MCPH1: variants seen among roughly 807,000 people sequenced by gnomAD.
The protein encoded by MCPH1 is microcephalin.
Under a neutral mutation model 84.5 loss-of-function variants are expected in MCPH1, and 104 were observed. The ratio of observed to expected loss-of-function variants is 1.23; its 90% confidence interval spans 1.05 to 1.45. The LOEUF (loss-of-function observed/expected upper bound fraction) is 1.45, where lower values mean the gene tolerates loss of function less well. Among genes scored for constraint, MCPH1 ranks in the 40% most tolerant of loss-of-function variants. The pLI is 0.00. For synonymous variants in MCPH1, 514 were observed against 366.8 expected (o/e 1.40, Z -4.58); for missense variants, 1,498 against 1,005.7 (o/e 1.49, Z -6.62).
At chr8:6,461,922 GT>G (rs1435135142) in intron 9 of MCPH1, among the ~76,000 whole-genome samples, 1 of 152,028 alleles carries the variant, frequency 6.6e-6, no homozygotes, top group African/African-American at 2.4e-5. Context: ...TCTGGATTTG[GT>G]TTTTCAAAAT....
intron 13 of MCPH1, chr8:6,622,342 G>T (rs190503459): frequency 6.4e-6 from 1 of 156,832 alleles, no homozygotes; most frequent in East Asian, 1.9e-4. Context: ...CTAACACACG[G>T]GCTCCAGGAG....
At chr8:6,596,105 C>G (rs1275287785) in intron 12 of MCPH1, among the ~76,000 whole-genome samples, 1 of 152,160 alleles carries the variant, frequency 6.6e-6, no homozygotes, top group Non-Finnish European at 1.5e-5. Context: ...TGGAGTGGCC[C>G]TTTTATGCTT....
At chr8:6,501,167 A>G (rs1489705525) in intron 12 of MCPH1, 3 of 152,238 alleles carry the variant, frequency 2.0e-5, no homozygotes, top group Non-Finnish European at 4.4e-5. Flanking sequence ...TGGTGGAAAT[A>G]AAACAGAGCC....
At chr8:6,604,890 T>C (rs1829641406) in intron 12 of MCPH1, among the ~76,000 whole-genome samples, 1 of 152,166 alleles carries the variant, frequency 6.6e-6, no homozygotes, top group Non-Finnish European at 1.5e-5. Flanking sequence ...TGGGGGGAAA[T>C]TGAGTCTCTA....
chr8:6,437,391 C>A (rs927650932), intron 5 of MCPH1, among the ~76,000 whole-genome samples: 2 of 151,980 alleles, frequency 1.3e-5, no homozygotes, highest in Non-Finnish European at 2.9e-5. Context: ...CCACCACGCC[C>A]AGCTGATTTT....
chr8:6,582,189 T>C (rs1005107785), intron 12 of MCPH1, among the ~76,000 whole-genome samples: 5 of 152,176 alleles, frequency 3.3e-5, no homozygotes, highest in Non-Finnish European at 5.9e-5. Context: ...ACACTAGAGA[T>C]GGACATTGCA....
At chr8:6,639,739 A>G (rs1456160368) in intron 13 of MCPH1, among the ~76,000 whole-genome samples, 1 of 151,758 alleles carries the variant, frequency 6.6e-6, no homozygotes, top group Non-Finnish European at 1.5e-5. Flanking sequence ...ATTTGTTTTT[A>G]TATATATTGG....
At chr8:6,432,005 G>T (rs1240041285) in intron 4 of MCPH1, among the ~76,000 whole-genome samples, 1 of 152,218 alleles carries the variant, frequency 6.6e-6, no homozygotes, top group Non-Finnish European at 1.5e-5. Flanking sequence ...TACAAATACA[G>T]TTGTCCTTCA....
intron 12 of MCPH1, among the ~76,000 whole-genome samples, chr8:6,596,195 C>T (rs993871034): frequency 3.9e-5 from 6 of 152,144 alleles, no homozygotes; most frequent in African/African-American, 1.4e-4. Flanking sequence ...TTTTATTGGG[C>T]TCCAGTCTCA....
At chr8:6,431,837 G>C (rs188650181) in intron 4 of MCPH1, among the ~76,000 whole-genome samples, 20 of 152,290 alleles carry the variant, frequency 1.3e-4, no homozygotes, top group Admixed American at 9.8e-4. Flanking sequence ...AAGGTGCCAA[G>C]AGACAAGCAA....
chr8:6,495,733 G>C (rs1811152039), intron 11 of MCPH1, among the ~76,000 whole-genome samples: 1 of 152,188 alleles, frequency 6.6e-6, no homozygotes. Context: ...GGAGGAGATA[G>C]TGGCAAAAAC....
chr8:6,518,508 G>A (rs193015812), intron 12 of MCPH1, among the ~76,000 whole-genome samples: 2 of 152,272 alleles, frequency 1.3e-5, no homozygotes, highest in East Asian at 3.9e-4. Context: ...TCTTTGGAAA[G>A]CATTATGTTG....
At chr8:6,628,491 A>C (rs1387522634) in intron 13 of MCPH1, among the ~76,000 whole-genome samples, 1 of 151,578 alleles carries the variant, frequency 6.6e-6, no homozygotes, top group Non-Finnish European at 1.5e-5. Flanking sequence ...AAAAAAAAAA[A>C]AAACATTAAA....
chr8:6,575,074 A>G (rs1039680412), intron 12 of MCPH1, among the ~76,000 whole-genome samples: 19 of 152,268 alleles, frequency 1.2e-4, no homozygotes, highest in African/African-American at 4.1e-4. Context: ...CAGAGAGGCA[A>G]TGCATGCAGC....
At chr8:6,571,891 A>C (rs1248675912) in intron 12 of MCPH1, among the ~76,000 whole-genome samples, 1 of 152,182 alleles carries the variant, frequency 6.6e-6, no homozygotes, top group Non-Finnish European at 1.5e-5. Flanking sequence ...AAGTATATAA[A>C]AATATTCCTT....
At chr8:6,496,573 T>C (rs1280121674) in intron 11 of MCPH1, among the ~76,000 whole-genome samples, 1 of 147,936 alleles carries the variant, frequency 6.8e-6, no homozygotes, top group East Asian at 2.3e-4. Context: ...CCCACAGGTA[T>C]TCTTAGTACC....
At chr8:6,582,197 G>A (rs1014738520) in intron 12 of MCPH1, among the ~76,000 whole-genome samples, 1 of 152,226 alleles carries the variant, frequency 6.6e-6, no homozygotes, top group Non-Finnish European at 1.5e-5. Context: ...GATGGACATT[G>A]CAGCTGCAAC....
chr8:6,579,081 A>G (rs934536107), intron 12 of MCPH1, among the ~76,000 whole-genome samples: 2 of 152,212 alleles, frequency 1.3e-5, no homozygotes, highest in Non-Finnish European at 2.9e-5. Flanking sequence ...TGAGAACTGC[A>G]CCAGACTGAG....
chr8:6,425,905 T>G (rs1181087887), intron 3 of MCPH1, among the ~76,000 whole-genome samples: 2 of 152,206 alleles, frequency 1.3e-5, no homozygotes, highest in Non-Finnish European at 2.9e-5. Context: ...TAGGGTCTCC[T>G]CTACGTCTTT....
Sources: gnomAD v4.1 joint callset for allele counts (sites outside exome capture counted in the v4.1 genomes callset) on GRCh38, gnomAD v4.1.1 for gene constraint, MANE v1.5 for transcripts, NCBI Gene and HGNC (gene_info 2026-07-23, HGNC 2026-07-21) for gene names.